Variants in LARP1B observed in about 807,000 individuals in gnomAD.
The protein encoded by LARP1B is la-related protein 1B.
In LARP1B, 76 loss-of-function variants were observed where a neutral mutation model predicts 114.2. The ratio of observed to expected loss-of-function variants is 0.67; its 90% CI spans 0.55 to 0.81. LARP1B has a LOEUF of 0.81. Among genes scored for constraint, LARP1B ranks in the 30% least tolerant of loss-of-function variants. The probability of loss-of-function intolerance (pLI) is 0.00; values close to 1 mark genes in which losing one functional copy is unlikely to be tolerated. For synonymous variants in LARP1B, 345 were observed against 348.0 expected, an observed-to-expected ratio of 0.99 and a Z score of 0.10; for missense variants, 1,014 against 1,075.8, an observed-to-expected ratio of 0.94 and a Z score of 0.80.
At chr4:128,176,282 T>A (rs1440554848) in intron 12 of LARP1B, among the ~76,000 whole-genome samples, 1 of 113,500 alleles carries the variant, frequency 8.8e-6, no homozygotes, top group African/African-American at 4.2e-5. Context: ...TGTGTGTGTG[T>A]GTGTATATAT....
chr4:128,138,392 A>G (rs564934834), intron 11 of LARP1B, among the ~76,000 whole-genome samples: 5 of 152,358 alleles, frequency 3.3e-5, no homozygotes, highest in African/African-American at 1.2e-4. Context: ...GAAAGTCTAG[A>G]TAGTGCTATG....
At chr4:128,163,608 G>A (rs1739466704) in intron 12 of LARP1B, among the ~76,000 whole-genome samples, 1 of 152,188 alleles carries the variant, frequency 6.6e-6, no homozygotes, top group Non-Finnish European at 1.5e-5. Context: ...ACAGGAAAGT[G>A]AGTCAGTGCT....
At chr4:128,112,466 ATTTTTTTT>A (rs1174266918) in intron 9 of LARP1B, among the ~76,000 whole-genome samples, 13 of 69,322 alleles carry the variant, frequency 1.9e-4, no homozygotes, top group South Asian at 6.3e-4. Context: ...TGCTTACTCT[ATTTTTTTT>A]TTTTTTTTTT....
At chr4:128,149,548 G>T (rs748088289) in intron 11 of LARP1B, among the ~76,000 whole-genome samples, 5 of 152,186 alleles carry the variant, frequency 3.3e-5, no homozygotes, top group Admixed American at 6.5e-5. Context: ...ATTGGGAAGC[G>T]ATTTTAAAGA....
At chr4:128,092,922 A>T (rs1776398495) in intron 7 of LARP1B, 2 of 985,390 alleles carry the variant, frequency 2.0e-6, no homozygotes, top group Non-Finnish European at 1.2e-6. Flanking sequence ...ATGCAACTCC[A>T]TGTCAGGATA....
At chr4:128,204,202 T>A (rs1561568377) in intron 17 of LARP1B, among the ~76,000 whole-genome samples, 1 of 151,620 alleles carries the variant, frequency 6.6e-6, no homozygotes. Flanking sequence ...ACCAAAAACT[T>A]ACTTCTCCAG....
At position 128,107,336 on chromosome 4, in the gene LARP1B, A is replaced by G. The variant is rs369659659; in HGVS notation, c.988+23A>G. 1.7e-5 allele frequency: 27 copies of G among 1,612,776 alleles called. No individual in the cohort carries two copies. The African/African-American group carries it at 3.1e-4, about 18-fold the overall frequency. On this transcript the variant is annotated intron_variant, in intron 9 of 19. Transcript: ENST00000326639. Reference sequence around the variant, plus strand: ...CAGGTAACATCTTTTCTTCTAGAGCAAACGATGTAACAGTGGGTTATTTGG... The same window carrying G: ...CAGGTAACATCTTTTCTTCTAGAGCGAACGATGTAACAGTGGGTTATTTGG...
At chr4:128,080,812 G>A (rs1770037474) in intron 4 of LARP1B, among the ~76,000 whole-genome samples, 1 of 151,946 alleles carries the variant, frequency 6.6e-6, no homozygotes, top group African/African-American at 2.4e-5. Flanking sequence ...GTTCTGTCAA[G>A]TTAAACAAAT....
At chr4:128,139,491 C>T (rs1388597678) in intron 11 of LARP1B, among the ~76,000 whole-genome samples, 1 of 151,932 alleles carries the variant, frequency 6.6e-6, no homozygotes, top group African/African-American at 2.4e-5. Context: ...CACTGCACTC[C>T]AGCCTGGGCA....
chr4:128,183,257 T>C (rs1749184004), intron 15 of LARP1B, among the ~76,000 whole-genome samples: 1 of 152,188 alleles, frequency 6.6e-6, no homozygotes, highest in African/African-American at 2.4e-5. Context: ...ACTTTCATAG[T>C]TAGGAAGGAG....
At chr4:128,118,082 ATT>A (rs34699544) in intron 10 of LARP1B, among the ~76,000 whole-genome samples, 4 of 76,744 alleles carry the variant, frequency 5.2e-5, no homozygotes, top group African/African-American at 1.7e-4. Context: ...GGCCCGGCTA[ATT>A]TTTTTTTTTT....
At chr4:128,074,853 T>C (rs746362115) in intron 2 of LARP1B, 81 bp from the exon 3 acceptor site, 6 of 968,128 alleles carry the variant, frequency 6.2e-6, no homozygotes, top group Admixed American at 2.3e-5. Context: ...TAAAACTCCT[T>C]TCACTTTTAG....
rs115482171 is a variant in LARP1B, at chr4:128,156,795, T to A, written c.1525-5399T>A. On this transcript the variant is annotated intron_variant, in intron 11 of 19. Transcript: ENST00000326639. ...TCCAAGCCTCCACAGTGAGAGCAGC[T>A]GCTATTTATTTTCCTAAAGAGAGTA... is the stretch of plus-strand genomic sequence containing the variant. Among the ~76,000 whole-genome samples, 371 of 148,544 alleles carry A rather than the reference T, an allele frequency of 2.5e-3. 5 individuals are homozygous for A. The highest frequency in any genetic ancestry group is 2.5e-3 in the Non-Finnish European group (168 of 67,748).
intron 15 of LARP1B, among the ~76,000 whole-genome samples, chr4:128,194,872 A>C (rs1409794952): frequency 1.3e-5 from 2 of 151,734 alleles, no homozygotes; most frequent in African/African-American, 2.4e-5. Flanking sequence ...ATCGCAAAAA[A>C]AAAAAAGTTT....
At chr4:128,061,545 G>C (rs1225067160) in intron 1 of LARP1B, 144 bp downstream of exon 1, 3 of 374,878 alleles carry the variant, frequency 8.0e-6, no homozygotes, top group African/African-American at 6.6e-5. Context: ...GCGCGGCCTC[G>C]GCGGGCGGCG....
downstream of LARP1B, among the ~76,000 whole-genome samples, chr4:128,212,597 C>T (rs374360418): frequency 2.3e-4 from 35 of 152,030 alleles, no homozygotes; most frequent in Middle Eastern, 3.4e-3. Flanking sequence ...TGCAATGAGC[C>T]GAGTCCGCAC....
intron 18 of LARP1B, 82 bp downstream of exon 18, chr4:128,206,619 G>GT: frequency 6.6e-7 from 1 of 1,504,970 alleles, no homozygotes; most frequent in Non-Finnish European, 8.8e-7. Context: ...GGAGTTCATA[G>GT]TTTTTTTCTT....
At chr4:128,165,489 G>A (rs544459752) in intron 12 of LARP1B, among the ~76,000 whole-genome samples, 1 of 152,092 alleles carries the variant, frequency 6.6e-6, no homozygotes, top group South Asian at 2.1e-4. Context: ...CTAGTTATAT[G>A]TCATAACATA....
In LARP1B at chr4:128,114,350, T is replaced by C. The variant is rs190938807; in HGVS notation, c.989-220T>C. ...AGAAGTTTACATGAATGTAGTGGTC[T>C]GTGTAAGACTTGGTGACATGCTTTA... On this transcript the variant is annotated intron_variant, in intron 9 of 19. Transcript: ENST00000326639. Among the ~76,000 whole-genome samples the C allele has an allele frequency of 4.3e-3, 653 of 152,334 alleles. 5 individuals carry two copies. Among genetic ancestry groups the C allele is most frequent in the Non-Finnish European group, 7.7e-3 (522 of 68,034 alleles).
Sources: allele counts gnomAD v4.1 joint callset (sites outside exome capture counted in the v4.1 genomes callset), GRCh38; gene constraint gnomAD v4.1.1; transcripts MANE v1.5; gene names NCBI Gene and HGNC (gene_info 2026-07-23, HGNC 2026-07-21).